The following GALNT13 variants were observed in gnomAD, a reference collection of about 807,000 sequenced individuals.
GALNT13 encodes the protein UDP-GalNAc:polypeptide N-acetylgalactosaminyltransferase 13.
Under a neutral mutation model 64.2 loss-of-function variants are expected in GALNT13, and 28 were observed. The observed-to-expected ratio is 0.44, with a 90% confidence interval of 0.32 to 0.60. The LOEUF (loss-of-function observed/expected upper bound fraction) is 0.60, where lower values mean the gene tolerates loss of function less well. GALNT13 is among the 20% of genes least tolerant of loss of function. The probability of loss-of-function intolerance (pLI) is 0.05; values close to 1 mark genes in which losing one functional copy is unlikely to be tolerated. For missense variants in GALNT13, 577 were observed against 669.8 expected, an observed-to-expected ratio of 0.86 and a Z score of 1.53; for synonymous variants, 214 against 224.6, an observed-to-expected ratio of 0.95 and a Z score of 0.42.
At chr2:153,560,149 G>C in the GALNT13 span, among the ~76,000 whole-genome samples, 1 of 151,868 alleles carries the variant, frequency 6.6e-6, no homozygotes, top group African/African-American at 2.4e-5. Flanking sequence ...ATAAAGTACT[G>C]TCCCTTTAGT....
chr2:153,723,008 G>A, the GALNT13 span, among the ~76,000 whole-genome samples: 1 of 152,052 alleles, frequency 6.6e-6, no homozygotes, highest in Non-Finnish European at 1.5e-5. Flanking sequence ...CCAAAAGAGA[G>A]AATTTAGAAC....
the GALNT13 span, among the ~76,000 whole-genome samples, chr2:153,106,123 A>C: frequency 6.6e-6 from 1 of 152,178 alleles, no homozygotes; most frequent in Non-Finnish European, 1.5e-5. Context: ...CTATCATTTA[A>C]ATAACTCCCT....
chr2:153,808,078 A>G, the GALNT13 span, among the ~76,000 whole-genome samples: 2 of 152,160 alleles, frequency 1.3e-5, no homozygotes, highest in Admixed American at 1.3e-4. Context: ...AGTCAATGCA[A>G]TAGCCCAAAG....
intron 7 of GALNT13, among the ~76,000 whole-genome samples, chr2:154,250,794 G>A (rs2113477): frequency 0.52 from 78,983 of 151,772 alleles, 21,518 homozygotes; most frequent in East Asian, 0.78. Flanking sequence ...ATATACGTTT[G>A]GATTGCAGGA....
the GALNT13 span, among the ~76,000 whole-genome samples, chr2:153,615,631 G>A: frequency 6.6e-6 from 1 of 151,968 alleles, no homozygotes; most frequent in Non-Finnish European, 1.5e-5. Flanking sequence ...AATGATTAAT[G>A]ATATTGAACA....
At chr2:154,081,894 T>G (rs529012555) in intron 3 of GALNT13, among the ~76,000 whole-genome samples, 2 of 151,930 alleles carry the variant, frequency 1.3e-5, no homozygotes, top group Non-Finnish European at 3.0e-5. Context: ...GTCTCTAGGC[T>G]CTAATTCAAG....
chr2:153,088,156 G>A, the GALNT13 span, among the ~76,000 whole-genome samples: 1 of 151,966 alleles, frequency 6.6e-6, no homozygotes, highest in Non-Finnish European at 1.5e-5. Context: ...GTTTTGATAA[G>A]TTGTGTTACT....
chr2:154,240,828 G>C (rs1311177009), intron 4 of GALNT13, among the ~76,000 whole-genome samples: 1 of 152,172 alleles, frequency 6.6e-6, no homozygotes, highest in Non-Finnish European at 1.5e-5. Flanking sequence ...ACTTGGGCTT[G>C]GAGAATGAGT....
the GALNT13 span, among the ~76,000 whole-genome samples, chr2:153,634,170 G>A: frequency 3.9e-5 from 6 of 152,000 alleles, no homozygotes; most frequent in African/African-American, 7.3e-5. Context: ...TAGTAAATGA[G>A]TCACACATAA....
chr2:153,645,799 G>A, the GALNT13 span, among the ~76,000 whole-genome samples: 2 of 151,960 alleles, frequency 1.3e-5, no homozygotes, highest in African/African-American at 4.8e-5. Flanking sequence ...CCTTTTTCCT[G>A]TGCAATTTTT....
chr2:153,329,983 T>C, the GALNT13 span, among the ~76,000 whole-genome samples: 2 of 152,206 alleles, frequency 1.3e-5, no homozygotes, highest in Admixed American at 1.3e-4. Context: ...CCAGTTTCAT[T>C]CTTCTGCATA....
the GALNT13 span, among the ~76,000 whole-genome samples, chr2:153,583,811 T>G: frequency 1.3e-5 from 2 of 152,160 alleles, no homozygotes; most frequent in Admixed American, 1.3e-4. Context: ...TAGGGAAACT[T>G]GTGCAGCACT....
intron 3 of GALNT13, among the ~76,000 whole-genome samples, chr2:154,088,194 C>A (rs1701628516): frequency 6.6e-6 from 1 of 152,082 alleles, no homozygotes; most frequent in Admixed American, 6.6e-5. Context: ...TTTTGCAGTA[C>A]TAAGGCCTTC....
the GALNT13 span, among the ~76,000 whole-genome samples, chr2:153,450,288 G>A: frequency 2.0e-5 from 3 of 152,090 alleles, no homozygotes; most frequent in Admixed American, 6.5e-5. Flanking sequence ...CATATTATAC[G>A]TTGCTGCATT....
the GALNT13 span, among the ~76,000 whole-genome samples, chr2:153,528,248 A>G: frequency 6.6e-6 from 1 of 152,034 alleles, no homozygotes; most frequent in Non-Finnish European, 1.5e-5. Flanking sequence ...ATTCCATGCC[A>G]ATGGAAGCCA....
the GALNT13 span, among the ~76,000 whole-genome samples, chr2:153,193,013 C>T: frequency 2.6e-5 from 4 of 152,026 alleles, no homozygotes; most frequent in African/African-American, 9.7e-5. Flanking sequence ...TATGTGAGGA[C>T]TTACTCCTGC....
At chr2:154,169,143 A>AT in intron 4 of GALNT13, among the ~76,000 whole-genome samples, 1 of 152,202 alleles carries the variant, frequency 6.6e-6, no homozygotes, top group South Asian at 2.1e-4. Flanking sequence ...GACATTAATC[A>AT]TGAGGGATCC....
the GALNT13 span, among the ~76,000 whole-genome samples, chr2:153,749,934 T>C: frequency 1.9e-3 from 291 of 152,034 alleles, 1 homozygote; most frequent in African/African-American, 6.7e-3. Flanking sequence ...TTTCAGTTTT[T>C]CCCCATTTAG....
At chr2:153,680,533 C>T in the GALNT13 span, among the ~76,000 whole-genome samples, 1 of 151,820 alleles carries the variant, frequency 6.6e-6, no homozygotes, top group Non-Finnish European at 1.5e-5. Flanking sequence ...AGATCCCCTC[C>T]CCTCATAAAC....
Sources: allele counts gnomAD v4.1 joint callset (sites outside exome capture counted in the v4.1 genomes callset), GRCh38; gene constraint gnomAD v4.1.1; transcripts MANE v1.5; gene names NCBI Gene and HGNC (gene_info 2026-07-23, HGNC 2026-07-21).